ABCA13: variants seen among roughly 807,000 people sequenced by gnomAD.
ABCA13 encodes the protein ATP binding cassette subfamily A member 13.
A neutral mutation model predicts 478.7 loss-of-function variants in ABCA13; 476 were observed. That is an observed-to-expected ratio of 0.99 (90% confidence interval 0.92 to 1.07). The LOEUF (loss-of-function observed/expected upper bound fraction) is 1.07, where lower values mean the gene tolerates loss of function less well. Among genes scored for constraint, ABCA13 ranks in the 50% least tolerant of loss-of-function variants. The pLI, the probability that ABCA13 is intolerant of heterozygous loss-of-function variation, is 0.00. For missense variants in ABCA13, 6,060 were observed against 5,910.6 expected (o/e 1.03, Z -0.83); for synonymous variants, 2,252 against 2,158.9 (o/e 1.04, Z -1.20).
In ABCA13 at chr7:48,427,859, C is replaced by T. The variant is rs773711143; in HGVS notation, c.12553C>T (p.Leu4185=). The change falls in exon 42 of 62, where the codon CTG becomes TTG. Residue 4185 remains leucine, a synonymous_variant. Coordinates refer to ENST00000435803, the MANE Select transcript of ABCA13 (RefSeq NM_152701.5). ...ELQNHRPTGH[L]SGYCGSLARP... is the part of the protein sequence containing the mutation. ...GCAGAACCACAGGCCTACAGGACAT[C>T]TGTCTGGCTACTGTAAGTACAGAAT... is the stretch of plus-strand genomic sequence containing the variant. 71 of 1,602,460 alleles carry T rather than the reference C, an allele frequency of 4.4e-5. No homozygotes were observed. In the Admixed American group the frequency reaches 1.2e-3, roughly 27 times the overall value.
intron 8 of ABCA13, among the ~76,000 whole-genome samples, chr7:48,236,932 T>C (rs1398989978): frequency 6.6e-6 from 1 of 151,808 alleles, no homozygotes; most frequent in Non-Finnish European, 1.5e-5. Flanking sequence ...AGAGAAAGGG[T>C]TTAATTAATG....
chr7:48,522,299 G>C (rs1186312280), intron 53 of ABCA13, among the ~76,000 whole-genome samples: 1 of 152,116 alleles, frequency 6.6e-6, no homozygotes, highest in Non-Finnish European at 1.5e-5. Context: ...CTTCCTTGCT[G>C]TCCTTCCCTA....
intron 27 of ABCA13, among the ~76,000 whole-genome samples, chr7:48,318,728 C>T (rs911344379): frequency 1.3e-5 from 2 of 151,978 alleles, no homozygotes; most frequent in Non-Finnish European, 2.9e-5. Context: ...CTCGAATTTC[C>T]TTAGTGTAGT....
In ABCA13 at chr7:48,643,307, G is replaced by A. The variant is rs974101840; in HGVS notation, c.14857G>A (p.Val4953Ile). The A allele has an allele frequency of 2.5e-6, 4 of 1,611,104 alleles. No individual in the cohort carries two copies. Among genetic ancestry groups the A allele is most frequent in the Non-Finnish European group, 3.4e-6 (4 of 1,178,788 alleles). ...IKNRFGDGYTVKVWLCKEANQ... is the reference protein window; with the variant it reads ...IKNRFGDGYTIKVWLCKEANQ... ...TCTCAGGTTTGGTGATGGTTATACA[G>A]TCAAAGTTTGGCTCTGTAAGGAAGC... The change falls in exon 60 of 62, where the codon GTC (valine) becomes ATC (isoleucine). Residue 4953 changes from valine (V) to isoleucine (I), a missense_variant. Physicochemically the swap from Val to Ile is conservative, Grantham distance 29. Around this residue, in one of 3 missense-constraint regions of ABCA13, gnomAD observed 1,627 missense variants for 1,571.0 expected, o/e 1.04. Coordinates refer to ENST00000435803, the MANE Select transcript of ABCA13 (RefSeq NM_152701.5).
chr7:48,507,789 C>T, intron 49 of ABCA13, 83 bp from the exon 50 acceptor site: 1 of 1,426,268 alleles, frequency 7.0e-7, no homozygotes, highest in South Asian at 1.4e-5. Context: ...GTTTTCACTG[C>T]TGTCATCATT....
chr7:48,471,260 G>A (rs976412966), intron 44 of ABCA13, among the ~76,000 whole-genome samples: 7 of 152,192 alleles, frequency 4.6e-5, no homozygotes, highest in Admixed American at 1.3e-4. Context: ...CAGCCGCACC[G>A]TGAAAGTCCT....
At chr7:48,229,058 A>C (rs1197705387) in intron 6 of ABCA13, among the ~76,000 whole-genome samples, 4 of 152,200 alleles carry the variant, frequency 2.6e-5, no homozygotes, top group Non-Finnish European at 5.9e-5. Context: ...ACGCTTCAAT[A>C]CACAAAGTTG....
intron 42 of ABCA13, among the ~76,000 whole-genome samples, chr7:48,451,099 G>C (rs1824971323): frequency 6.6e-6 from 1 of 150,412 alleles, no homozygotes; most frequent in Non-Finnish European, 1.5e-5. Context: ...CCTGTTTCAA[G>C]TGATTCTCCT....
rs575212069 is a variant in ABCA13 at position 48,486,094 on chromosome 7, C to T, written c.13182+2931C>T. 1.3e-5 allele frequency among the ~76,000 whole-genome samples: 2 copies of T among 152,286 alleles called. 1 individual carries two copies. The highest frequency in any genetic ancestry group is 4.1e-4 in the South Asian group (2 of 4,832). Reference sequence around the variant, plus strand: ...CACCCTAGGCTTTCTAGTTTTCTAACTGAGATCCACAAGCTACTCTCACGA... The same window carrying T: ...CACCCTAGGCTTTCTAGTTTTCTAATTGAGATCCACAAGCTACTCTCACGA... On this transcript the variant is annotated intron_variant, in intron 47 of 61. Transcript: ENST00000435803.
chr7:48,231,207 T>A (rs1242390925), intron 7 of ABCA13, among the ~76,000 whole-genome samples: 3 of 147,840 alleles, frequency 2.0e-5, no homozygotes, highest in Non-Finnish European at 3.0e-5. Flanking sequence ...TTCAAGGAAG[T>A]CATGTTTAGT....
chr7:48,278,307 G>C lies in ABCA13; in HGVS notation c.7113G>C (p.Arg2371Ser). 1.2e-6 allele frequency: 2 copies of C among 1,612,530 alleles called. No individual in the cohort carries two copies. The highest frequency in any genetic ancestry group is 2.2e-5 in the South Asian group (2 of 90,952). ...FMQDLFNALL[R>S]ETSMKNKTEN... ...AAGATTTATTTAATGCCCTTCTCAG[G>C]GAAACTTCAATGAAAAATAAGACTG... Residue 2371 changes from arginine to serine, a missense_variant, in exon 18 of 62, where the codon AGG becomes AGC. By Grantham distance (110) the Arg-to-Ser change is moderately radical (BLOSUM62 -1). Transcript: ENST00000435803.
chr7:48,307,217 T>G (rs1194942060), intron 23 of ABCA13, among the ~76,000 whole-genome samples: 1 of 152,202 alleles, frequency 6.6e-6, no homozygotes, highest in Non-Finnish European at 1.5e-5. Flanking sequence ...TTATAGTGTA[T>G]ACTTACACAA....
intron 43 of ABCA13, among the ~76,000 whole-genome samples, chr7:48,456,833 T>C (rs1825730266): frequency 6.6e-6 from 1 of 152,076 alleles, no homozygotes; most frequent in Non-Finnish European, 1.5e-5. Context: ...TTATAGGCAA[T>C]GCTGTATAAC....
Position 48,376,458 on chromosome 7 carries a change from A to G in ABCA13, c.11221A>G (p.Met3741Val). ...CCTGCTAGGGATTCAATGGAATAAT[A>G]TGTACCAGGCTCTGGAACAAGGGGG... Reference protein sequence around the residue: ...GQETGIQWNNMYQALEQGGMT... With the variant: ...GQETGIQWNNVYQALEQGGMT... The change falls in exon 35 of 62, where the codon ATG (methionine) becomes GTG (valine). Residue 3741 changes from methionine to valine, a missense_variant. This residue lies in a region of ABCA13 where 4,423 missense variants were observed against 4,309.1 expected (regional missense o/e 1.03). Coordinates refer to ENST00000435803, the MANE Select transcript of ABCA13 (RefSeq NM_152701.5). The G allele has an allele frequency of 6.2e-6, 10 of 1,613,764 alleles. No individual in the cohort carries two copies. Among genetic ancestry groups the G allele is most frequent in the Non-Finnish European group, 8.5e-6 (10 of 1,179,776 alleles).
rs747116890 is a variant in ABCA13, at chr7:48,644,623, C to T, written c.14950C>T (p.His4984Tyr). Reference sequence around the variant, plus strand: ...TTTTTTTTTTTGCTTTTAGGGACAGCACCTGAATTTATTAGAATATCATGT... The same window carrying T: ...TTTTTTTTTTTGCTTTTAGGGACAGTACCTGAATTTATTAGAATATCATGT... ...YFPGIQFKGQ[H>Y]LNLLEYHVPK... Residue 4984 changes from histidine (H) to tyrosine (Y), a missense_variant, in exon 61 of 62, where the codon CAC (histidine) becomes TAC (tyrosine). Transcript: ENST00000435803. 15 of 1,597,554 alleles carry T rather than the reference C, an allele frequency of 9.4e-6. No individual in the cohort carries two copies. Among genetic ancestry groups the T allele is most frequent in the African/African-American group, 1.4e-5 (1 of 71,618 alleles).
intron 60 of ABCA13, among the ~76,000 whole-genome samples, chr7:48,643,740 G>A (rs1165411212): frequency 1.3e-5 from 2 of 152,210 alleles, no homozygotes; most frequent in Admixed American, 6.5e-5. Flanking sequence ...TTGCTGTAGG[G>A]TTTATAGGCT....
At position 48,411,049 on chromosome 7, in the gene ABCA13, TTTTC is replaced by T. The variant is rs745373350; in HGVS notation, c.12228+392_12228+395del. ...TTTCTTTCTTTCTTTCTTTCTTTCT[TTTTC>T]TTTCTTTCTTTCTTTCTTTTTCTTT... On this transcript the variant is annotated intron_variant, in intron 40 of 61. Transcript: ENST00000435803. Among the ~76,000 whole-genome samples the T allele has an allele frequency of 1.0e-3, 67 of 64,974 alleles. 7 individuals are homozygous for T. The highest frequency in any genetic ancestry group is 1.9e-3 in the East Asian group (4 of 2,052). 42.6% of individuals were successfully genotyped at this position (64,974 alleles called of 152,430 possible).
At chr7:48,254,365 G>A (rs1000236287) in intron 15 of ABCA13, among the ~76,000 whole-genome samples, 1 of 152,072 alleles carries the variant, frequency 6.6e-6, no homozygotes, top group Non-Finnish European at 1.5e-5. Context: ...TGAGGCTCAA[G>A]TGATCCTTTT....
chr7:48,175,784 C>G (rs1453331141), intron 1 of ABCA13, among the ~76,000 whole-genome samples: 1 of 152,086 alleles, frequency 6.6e-6, no homozygotes, highest in East Asian at 1.9e-4. Flanking sequence ...GGAACTCATT[C>G]CTCCTATCTA....
Sources: allele counts gnomAD v4.1 joint callset (sites outside exome capture counted in the v4.1 genomes callset), GRCh38; gene constraint gnomAD v4.1.1; regional missense constraint gnomAD v4.1.1; transcripts MANE v1.5; gene names NCBI Gene and HGNC (gene_info 2026-07-23, HGNC 2026-07-21).